EYS: variants seen among roughly 807,000 people sequenced by gnomAD.
The protein encoded by EYS is protein eyes shut homolog.
In EYS, 250 loss-of-function variants were observed where a neutral mutation model predicts 282.1. The observed-to-expected ratio is 0.89, with a 90% CI of 0.80 to 0.98. The LOEUF (loss-of-function observed/expected upper bound fraction) is 0.98. Among genes scored for constraint, EYS ranks in the 50% least tolerant of loss-of-function variants. The pLI, the probability that EYS is intolerant of heterozygous loss-of-function variation, is 0.00. For synonymous variants in EYS, 1,355 were observed against 1,282.9 expected (o/e 1.06, Z -1.20); for missense variants, 4,016 against 3,709.0 (o/e 1.08, Z -2.15).
At chr6:65,362,533 T>G (rs545782929) in intron 8 of EYS, among the ~76,000 whole-genome samples, 2 of 149,918 alleles carry the variant, frequency 1.3e-5, no homozygotes, top group East Asian at 3.9e-4. Flanking sequence ...ATACATTACA[T>G]ATATGCATAT....
At chr6:65,262,908 T>C (rs1322533628) in intron 12 of EYS, among the ~76,000 whole-genome samples, 1 of 152,152 alleles carries the variant, frequency 6.6e-6, no homozygotes. Context: ...CATAAAGCCA[T>C]TGGATCCGTC....
intron 30 of EYS, among the ~76,000 whole-genome samples, chr6:64,255,066 T>C (rs1443395629): frequency 6.6e-6 from 1 of 152,066 alleles, no homozygotes; most frequent in Non-Finnish European, 1.5e-5. Flanking sequence ...AGAATACTAA[T>C]TGCTATAGAA....
intron 31 of EYS, among the ~76,000 whole-genome samples, chr6:64,086,645 A>G (rs1188396961): frequency 1.3e-5 from 2 of 152,182 alleles, no homozygotes; most frequent in African/African-American, 2.4e-5. Context: ...CCCAAATTTG[A>G]ACTCCTCAAA....
chr6:64,980,853 G>C lies in EYS; in HGVS notation c.2259+16729C>G, dbSNP rs558367646. 3.3e-5 allele frequency among the ~76,000 whole-genome samples: 5 copies of C among 151,262 alleles called. No individual in the cohort carries two copies. The South Asian group carries it at 1.0e-3, about 31-fold the overall frequency. Reference sequence around the variant, plus strand: ...AAAATACTTTGGAAATTGTCCATTTGAGTGAGTTAAGATAAAAAAAAACCT... The same window carrying C: ...AAAATACTTTGGAAATTGTCCATTTCAGTGAGTTAAGATAAAAAAAAACCT... On this transcript the variant is annotated intron_variant, in intron 14 of 42. Transcript: ENST00000503581.
intron 31 of EYS, among the ~76,000 whole-genome samples, chr6:64,090,491 A>T (rs1486239759): frequency 6.6e-6 from 1 of 152,156 alleles, no homozygotes; most frequent in Non-Finnish European, 1.5e-5. Flanking sequence ...ACAAATATAT[A>T]CTTCTATTGC....
At chr6:64,829,167 G>A (rs1450068010) in intron 19 of EYS, among the ~76,000 whole-genome samples, 1 of 152,000 alleles carries the variant, frequency 6.6e-6, no homozygotes, top group Non-Finnish European at 1.5e-5. Context: ...TGGGCATGAA[G>A]TGTGAAGTTC....
At position 65,627,218 on chromosome 6, in the gene EYS, T is replaced by C. The variant is rs1261728933; in HGVS notation, c.-333+12560A>G. Among the ~76,000 whole-genome samples, 3 of 152,134 alleles carry C rather than the reference T, an allele frequency of 2.0e-5. No individual in the cohort carries two copies. In the East Asian group the frequency reaches 5.8e-4, roughly 30 times the overall value. On this transcript the variant is annotated intron_variant, in intron 2 of 42. Coordinates refer to ENST00000503581, the MANE Select transcript of EYS (RefSeq NM_001142800.2). Reference sequence around the variant, plus strand: ...AAAGGCAATTTGTATTACGCAAGAGTGAAACATAAAACTGTCACTTGTGAT... The same window carrying C: ...AAAGGCAATTTGTATTACGCAAGAGCGAAACATAAAACTGTCACTTGTGAT...
chr6:64,896,545 G>GTT (rs796873824), intron 18 of EYS, among the ~76,000 whole-genome samples: 1 of 85,244 alleles, frequency 1.2e-5, no homozygotes, highest in African/African-American at 3.7e-5. Flanking sequence ...AGGAGTTGTT[G>GTT]TTTTTTTTTT....
chr6:64,507,241 C>T (rs1777241049), intron 26 of EYS, among the ~76,000 whole-genome samples: 4 of 151,790 alleles, frequency 2.6e-5, no homozygotes, highest in Non-Finnish European at 4.4e-5. Flanking sequence ...AACTTCATGT[C>T]CTTTGTAGGG....
At chr6:65,579,976 G>A (rs1052890736) in intron 2 of EYS, among the ~76,000 whole-genome samples, 3 of 152,018 alleles carry the variant, frequency 2.0e-5, no homozygotes, top group Non-Finnish European at 4.4e-5. Flanking sequence ...TTAAATAATA[G>A]GGTTATTGTA....
At chr6:64,198,150 G>C (rs1256032858) in intron 31 of EYS, among the ~76,000 whole-genome samples, 1 of 147,124 alleles carries the variant, frequency 6.8e-6, no homozygotes, top group Admixed American at 6.8e-5. Flanking sequence ...CCGCCACCAC[G>C]GCCGGCCCGG....
chr6:65,238,640 T>C (rs1379575932), intron 12 of EYS, among the ~76,000 whole-genome samples: 11 of 152,030 alleles, frequency 7.2e-5, no homozygotes, highest in Non-Finnish European at 1.3e-4. Flanking sequence ...TTGTTATTGC[T>C]ATTATGACTA....
chr6:65,149,191 G>C (rs1342196892), intron 12 of EYS, among the ~76,000 whole-genome samples: 2 of 151,970 alleles, frequency 1.3e-5, no homozygotes, highest in African/African-American at 2.4e-5. Flanking sequence ...CTTTTCAATT[G>C]CATCATCAGG....
chr6:65,230,489 C>T (rs998532122), intron 12 of EYS, among the ~76,000 whole-genome samples: 1 of 151,964 alleles, frequency 6.6e-6, no homozygotes, highest in East Asian at 1.9e-4. Context: ...TTTAATACCT[C>T]TTTTTAACTT....
intron 7 of EYS, among the ~76,000 whole-genome samples, chr6:65,396,613 G>A (rs1443242060): frequency 6.6e-6 from 1 of 152,068 alleles, no homozygotes; most frequent in Non-Finnish European, 1.5e-5. Context: ...GGGTATATGA[G>A]TAAATTACAC....
chr6:65,007,418 C>G (rs1771713032), intron 13 of EYS, among the ~76,000 whole-genome samples: 1 of 152,076 alleles, frequency 6.6e-6, no homozygotes, highest in Non-Finnish European at 1.5e-5. Context: ...GCCACTATAC[C>G]CTCTTCAAGG....
intron 2 of EYS, among the ~76,000 whole-genome samples, chr6:65,613,543 A>G (rs902308943): frequency 2.6e-5 from 4 of 151,898 alleles, no homozygotes; most frequent in African/African-American, 7.2e-5. Flanking sequence ...GTGTGTGAGC[A>G]TTAGCAGCAA....
chr6:65,281,035 C>CAA (rs35633005), intron 12 of EYS, among the ~76,000 whole-genome samples: 21,524 of 101,470 alleles, frequency 0.21, 2,466 homozygotes, highest in Middle Eastern at 0.26. Context: ...GATGCCATCT[C>CAA]AAAAAAAAAA....
At chr6:65,627,854 G>A (rs556312845) in intron 2 of EYS, among the ~76,000 whole-genome samples, 51 of 152,330 alleles carry the variant, frequency 3.3e-4, no homozygotes, top group African/African-American at 1.1e-3. Context: ...GTGCGCCCGA[G>A]CCTCCCCAGC....
Sources: gnomAD v4.1 joint callset for allele counts (sites outside exome capture counted in the v4.1 genomes callset) on GRCh38, gnomAD v4.1.1 for gene constraint, MANE v1.5 for transcripts, NCBI Gene and HGNC (gene_info 2026-07-23, HGNC 2026-07-21) for gene names.